CARNMT1: variants seen among roughly 807,000 people sequenced by gnomAD.
CARNMT1 encodes the protein protein-L-histidine N-pros-methyltransferase CARNMT1.
CARNMT1 carries 28 observed loss-of-function variants against 49.6 expected under a neutral mutation model. The ratio of observed to expected loss-of-function variants is 0.56; its 90% CI spans 0.42 to 0.77. CARNMT1 has a LOEUF of 0.77. Among genes scored for constraint, CARNMT1 ranks in the 30% least tolerant of loss-of-function variants. The pLI is 0.00. For missense variants in CARNMT1, 421 were observed against 512.6 expected (o/e 0.82, Z 1.73); for synonymous variants, 178 against 175.0 (o/e 1.02, Z -0.13).
intron 3 of CARNMT1, among the ~76,000 whole-genome samples, chr9:75,001,018 C>A (rs1019670080): frequency 2.0e-5 from 3 of 152,086 alleles, no homozygotes; most frequent in Non-Finnish European, 1.5e-5. Context: ...CCAGACCCAC[C>A]GAAACCCCTA....
intron 6 of CARNMT1, among the ~76,000 whole-genome samples, chr9:74,991,903 A>G (rs778731526): frequency 2.0e-5 from 3 of 152,056 alleles, no homozygotes; most frequent in Non-Finnish European, 2.9e-5. Context: ...ATATCTTTTT[A>G]TATTTTTACT....
intron 3 of CARNMT1, among the ~76,000 whole-genome samples, chr9:75,007,487 GAGAGGCCA>G (rs1427416769): frequency 6.6e-6 from 1 of 152,044 alleles, no homozygotes; most frequent in East Asian, 1.9e-4. Context: ...CCAGCACTTG[GAGAGGCCA>G]AGGTGGGTGG....
chr9:74,998,864 G>A lies in CARNMT1; in HGVS notation c.732-88C>T, dbSNP rs542682233. On this transcript the variant is annotated intron_variant, in intron 4 of 7. Transcript: ENST00000376834. ...AATACTAAAAATATACTGTTTAATT[G>A]AAGATTTGCATATATAATTAATATT... The A allele has an allele frequency of 1.7e-5, 12 of 721,094 alleles. No homozygotes were observed. In the East Asian group the frequency reaches 3.0e-4, roughly 18 times the overall value. 44.7% of individuals were successfully genotyped at this position (721,094 alleles called of 1,614,324 possible). A position where few individuals can be genotyped will look rare whatever the true frequency, so the allele number is the denominator to read the frequency against.
intron 3 of CARNMT1, among the ~76,000 whole-genome samples, chr9:75,006,240 C>T (rs1201878781): frequency 6.6e-6 from 1 of 152,018 alleles, no homozygotes; most frequent in Non-Finnish European, 1.5e-5. Context: ...TTAGTAGAGA[C>T]GGGGCCTCAC....
intron 2 of CARNMT1, chr9:75,016,669 T>G (rs1017207802): frequency 8.7e-6 from 4 of 460,214 alleles, no homozygotes; most frequent in African/African-American, 2.0e-5. Context: ...AATTAAGCAG[T>G]CTTTACTCAG....
At chr9:74,986,371 T>C (rs1352105072) in intron 6 of CARNMT1, among the ~76,000 whole-genome samples, 2 of 152,220 alleles carry the variant, frequency 1.3e-5, no homozygotes, top group Non-Finnish European at 2.9e-5. Flanking sequence ...ATAATGTATA[T>C]GTTAGTGCTA....
chr9:75,000,712 A>T (rs1279963459), intron 3 of CARNMT1, among the ~76,000 whole-genome samples: 2 of 152,198 alleles, frequency 1.3e-5, no homozygotes, highest in East Asian at 3.8e-4. Flanking sequence ...AAGAAACTTC[A>T]CTACTGTATT....
rs1410725958 is a variant in CARNMT1, at chr9:75,016,508, AG to A, written c.427-78del. On this transcript the variant is annotated intron_variant, in intron 2 of 7. Transcript: ENST00000376834. ...TTATGGTTAAATAGACATGCTACTAAGGGGCTATATAGGTGGTTTAGTGGAT... is the reference window on the plus strand; with the variant it reads ...TTATGGTTAAATAGACATGCTACTAAGGGCTATATAGGTGGTTTAGTGGAT... 3 of 1,428,246 alleles carry A rather than the reference AG, an allele frequency of 2.1e-6. No individual in the cohort carries two copies. The African/African-American group carries it at 4.2e-5, about 20-fold the overall frequency. 88.5% of individuals were successfully genotyped at this position (1,428,246 alleles called of 1,614,324 possible).
In CARNMT1 at chr9:75,005,394, GAT is replaced by G. The variant is rs374412588; in HGVS notation, c.591-5526_591-5525del. ...GAAACATAGACAGATTGGAGAAACT[GAT>G]ATATGTGTTTCCTTAGGAAAAATAT... On this transcript the variant is annotated intron_variant, in intron 3 of 7. Coordinates refer to ENST00000376834, the MANE Select transcript of CARNMT1 (RefSeq NM_152420.3). Among the ~76,000 whole-genome samples, 955 of 151,766 alleles carry G rather than the reference GAT, an allele frequency of 6.3e-3. 8 individuals carry two copies. The highest frequency in any genetic ancestry group is 0.022 in the African/African-American group (908 of 41,402).
chr9:75,005,475 CTTT>C (rs57445834), intron 3 of CARNMT1, among the ~76,000 whole-genome samples: 12 of 132,106 alleles, frequency 9.1e-5, no homozygotes, highest in Admixed American at 1.5e-4. Context: ...AGTATATGAT[CTTT>C]TTTTTTTTTT....
At chr9:75,006,402 G>A (rs1045190808) in intron 3 of CARNMT1, among the ~76,000 whole-genome samples, 12 of 152,072 alleles carry the variant, frequency 7.9e-5, no homozygotes, top group African/African-American at 7.2e-5. Context: ...ACAAAGCTAC[G>A]ATTTTAATAT....
At chr9:74,994,494 A>G (rs1048937776) in intron 6 of CARNMT1, among the ~76,000 whole-genome samples, 1 of 152,152 alleles carries the variant, frequency 6.6e-6, no homozygotes, top group Non-Finnish European at 1.5e-5. Flanking sequence ...TTGAGACACA[A>G]GGATTTTGAA....
In CARNMT1 at chr9:75,011,843, C is replaced by A. The variant is rs75813211; in HGVS notation, c.590+4425G>T. Among the ~76,000 whole-genome samples, 862 of 152,268 alleles carry A rather than the reference C, an allele frequency of 5.7e-3. 8 individuals carry two copies. The highest frequency in any genetic ancestry group is 0.019 in the African/African-American group (788 of 41,546). ...GCAGCTAAGACCCTCAGTCCTACAG[C>A]CACAGTGAAAACAATTCTGCCTCAC... is the stretch of plus-strand genomic sequence containing the variant. On this transcript the variant is annotated intron_variant, in intron 3 of 7. Transcript: ENST00000376834.
At position 74,998,683 on chromosome 9, in the gene CARNMT1, GA is replaced by G; in HGVS notation, c.824del (p.Phe275SerfsTer17). On this transcript the variant is annotated frameshift_variant, in exon 5 of 8. Transcript: ENST00000376834. LOFTEE classifies it high-confidence loss of function. Reference protein sequence around the residue: ...RSADQIRPIFFPDVDPHSLPP... With the variant: ...RSADQIRPIFXPDVDPHSLPP... ...GAAGACTGTGGGGGTCAACATCAGG[GA>G]AAAAGATGGGTCGAATCTGATCAGC... 6.2e-7 allele frequency: 1 copy of G among 1,608,690 alleles called. No individual in the cohort carries two copies. Among genetic ancestry groups the G allele is most frequent in the Non-Finnish European group, 8.5e-7 (1 of 1,177,156 alleles).
intron 2 of CARNMT1, chr9:75,016,649 A>G (rs1833865081): frequency 2.0e-6 from 1 of 505,740 alleles, no homozygotes; most frequent in African/African-American, 1.9e-5. Flanking sequence ...TAATCATAAA[A>G]CCACCATATA....
At position 75,027,937 on chromosome 9, in the gene CARNMT1, C is replaced by T; in HGVS notation, c.230+75G>A. The T allele has an allele frequency of 2.8e-6, 4 of 1,441,310 alleles. No individual in the cohort carries two copies. The East Asian group carries it at 1.2e-4, about 43-fold the overall frequency. 89.3% of individuals were successfully genotyped at this position (1,441,310 alleles called of 1,614,324 possible). A position where few individuals can be genotyped will look rare whatever the true frequency, so the allele number is the denominator to read the frequency against. On this transcript the variant is annotated intron_variant, in intron 1 of 7. Transcript: ENST00000376834. ...GGCGTGGCGGCGGGACGGCGAGCGC[C>T]CCCGTTCCGGCGGGTCCGCCGCCAC...
Position 74,996,547 on chromosome 9 carries a change from A to G in CARNMT1, c.924T>C (p.Cys308=), listed in dbSNP as rs1328116154. 2 of 1,587,504 alleles carry G rather than the reference A, an allele frequency of 1.3e-6. No homozygotes were observed. Residue 308 remains cysteine, a synonymous_variant, in exon 6 of 8, where the codon TGT becomes TGC. Transcript: ENST00000376834. Reference sequence around the variant, plus strand: ...TGTCTATGAAGAAACAGGTAGCAATACAGTCCCAGGTATCTAATGAAGAAA... The same window carrying G: ...TGTCTATGAAGAAACAGGTAGCAATGCAGTCCCAGGTATCTAATGAAGAAA... The part of the protein sequence containing the change: ...EIYSECNTWD[C]IATCFFIDTA...
chr9:74,990,144 G>A (rs540635392), intron 6 of CARNMT1, among the ~76,000 whole-genome samples: 4 of 152,204 alleles, frequency 2.6e-5, no homozygotes, highest in South Asian at 2.1e-4. Context: ...GGATCCCCCC[G>A]CAAAGCTGAG....
chr9:75,012,284 GTTT>G (rs869040579), intron 3 of CARNMT1, among the ~76,000 whole-genome samples: 3 of 134,022 alleles, frequency 2.2e-5, no homozygotes. Context: ...CAAGTTTTTG[GTTT>G]TTTTTTTTTT....
Sources: gnomAD v4.1 joint callset for allele counts (sites outside exome capture counted in the v4.1 genomes callset) on GRCh38, gnomAD v4.1.1 for gene constraint, MANE v1.5 for transcripts, NCBI Gene and HGNC (gene_info 2026-07-23, HGNC 2026-07-21) for gene names.